PRMT7: variants seen among roughly 807,000 people sequenced by gnomAD.
PRMT7 encodes the protein protein arginine methyltransferase 7.
PRMT7 carries 75 observed loss-of-function variants against 85.4 expected under a neutral mutation model. The ratio of observed to expected loss-of-function variants is 0.88; its 90% CI spans 0.73 to 1.06. The LOEUF (loss-of-function observed/expected upper bound fraction) is 1.06. Among genes scored for constraint, PRMT7 ranks in the 50% least tolerant of loss-of-function variants. The probability of loss-of-function intolerance (pLI) is 0.00; values close to 1 mark genes in which losing one functional copy is unlikely to be tolerated. For missense variants in PRMT7, 868 were observed against 915.2 expected, an observed-to-expected ratio of 0.95 and a Z score of 0.67; for synonymous variants, 397 against 359.5, an observed-to-expected ratio of 1.10 and a Z score of -1.18.
intron 2 of PRMT7, 74 bp from the exon 3 acceptor site, chr16:68,315,823 G>T: frequency 1.5e-6 from 1 of 645,886 alleles, no homozygotes; most frequent in Non-Finnish European, 2.8e-6. Context: ...CACATTTTGG[G>T]GCATTGTGCT....
At chr16:68,329,777 G>C (rs897895952) in intron 6 of PRMT7, among the ~76,000 whole-genome samples, 1 of 152,054 alleles carries the variant, frequency 6.6e-6, no homozygotes, top group African/African-American at 2.4e-5. Flanking sequence ...GCTGAGGCAG[G>C]AGAATGGCGA....
intron 6 of PRMT7, chr16:68,329,576 T>C (rs2083568168): frequency 6.3e-6 from 1 of 158,510 alleles, no homozygotes; most frequent in Non-Finnish European, 1.4e-5. Context: ...CTTTTATTTA[T>C]TTATTTTTTT....
At chr16:68,349,426 A>G (rs902195194) in intron 14 of PRMT7, among the ~76,000 whole-genome samples, 1 of 152,180 alleles carries the variant, frequency 6.6e-6, no homozygotes, top group South Asian at 2.1e-4. Flanking sequence ...TATGCCACAA[A>G]CTGGACTCAC....
chr16:68,318,481 G>A (rs956363786), intron 3 of PRMT7, among the ~76,000 whole-genome samples: 1 of 152,196 alleles, frequency 6.6e-6, no homozygotes, highest in Non-Finnish European at 1.5e-5. Context: ...TTACAGGCGT[G>A]AGCCACTGCA....
chr16:68,345,871 TC>T, intron 10 of PRMT7, 69 bp downstream of exon 10: 1 of 1,596,816 alleles, frequency 6.3e-7, no homozygotes. Flanking sequence ...CATTTACAGA[TC>T]CTCTGGAGGT....
At chr16:68,344,745 T>G (rs543001662) in intron 9 of PRMT7, among the ~76,000 whole-genome samples, 2 of 152,212 alleles carry the variant, frequency 1.3e-5, no homozygotes, top group Non-Finnish European at 2.9e-5. Flanking sequence ...TTTAAATACT[T>G]CAATTTAATT....
intron 5 of PRMT7, among the ~76,000 whole-genome samples, chr16:68,327,256 C>T (rs942462105): frequency 1.3e-5 from 2 of 152,116 alleles, no homozygotes; most frequent in Non-Finnish European, 2.9e-5. Flanking sequence ...GGAACAGTCT[C>T]GGTATCATTT....
At chr16:68,312,752 C>A (rs1048840177) in intron 2 of PRMT7, among the ~76,000 whole-genome samples, 3 of 152,106 alleles carry the variant, frequency 2.0e-5, no homozygotes, top group Non-Finnish European at 4.4e-5. Flanking sequence ...GGGCATTCAG[C>A]CAGAGAAGGT....
chr16:68,329,876 T>TACACACACACAC (rs6145876), intron 6 of PRMT7, among the ~76,000 whole-genome samples: 9,158 of 148,720 alleles, frequency 0.062, 345 homozygotes, highest in South Asian at 0.089. Flanking sequence ...TATGTATATG[T>TACACACACACAC]ACACACACAC....
At chr16:68,313,054 A>G in intron 2 of PRMT7, among the ~76,000 whole-genome samples, 2 of 152,118 alleles carry the variant, frequency 1.3e-5, no homozygotes, top group East Asian at 3.9e-4. Context: ...CGAACTCCTG[A>G]CCTCAGGTGA....
At chr16:68,321,364 T>G (rs1307425029) in intron 3 of PRMT7, 62 bp from the exon 4 acceptor site, 2 of 1,338,106 alleles carry the variant, frequency 1.5e-6, no homozygotes, top group African/African-American at 2.9e-5. Flanking sequence ...TGTTTATATA[T>G]GTGAATACTC....
chr16:68,332,757 C>T (rs750245709), intron 6 of PRMT7, among the ~76,000 whole-genome samples: 2 of 152,170 alleles, frequency 1.3e-5, no homozygotes, highest in Non-Finnish European at 2.9e-5. Context: ...GCAAGACTGC[C>T]GTGCTCTGTG....
intron 4 of PRMT7, chr16:68,324,133 C>A (rs1300544335): frequency 1.3e-5 from 2 of 153,944 alleles, no homozygotes; most frequent in African/African-American, 4.8e-5. Context: ...GGAGCAGTTA[C>A]CTTGCCTAGG....
intron 5 of PRMT7, among the ~76,000 whole-genome samples, chr16:68,325,664 G>A (rs1272102230): frequency 1.3e-5 from 2 of 151,926 alleles, no homozygotes; most frequent in Admixed American, 1.3e-4. Context: ...GGTGATGCGC[G>A]CCTGTAATCC....
At chr16:68,314,921 C>T (rs997932773) in intron 2 of PRMT7, among the ~76,000 whole-genome samples, 6 of 151,908 alleles carry the variant, frequency 3.9e-5, no homozygotes, top group African/African-American at 1.5e-4. Flanking sequence ...TTAAAAATTG[C>T]TTTTAAAATT....
intron 6 of PRMT7, among the ~76,000 whole-genome samples, chr16:68,331,135 A>G (rs2083833265): frequency 6.6e-6 from 1 of 152,142 alleles, no homozygotes; most frequent in South Asian, 2.1e-4. Flanking sequence ...CTAGGCACCC[A>G]CTCATAGACT....
At chr16:68,323,140 A>G (rs1467608264) in intron 4 of PRMT7, among the ~76,000 whole-genome samples, 1 of 152,202 alleles carries the variant, frequency 6.6e-6, no homozygotes, top group Non-Finnish European at 1.5e-5. Flanking sequence ...TTTCTGTGAA[A>G]AATTATTTCA....
downstream of PRMT7, chr16:68,360,309 C>T (rs938312949): frequency 2.0e-5 from 3 of 151,568 alleles, no homozygotes; most frequent in South Asian, 2.1e-4. Context: ...AATCAGGATC[C>T]CCCCCACCCC....
chr16:68,322,578 C>T (rs1004898696), intron 4 of PRMT7, among the ~76,000 whole-genome samples: 1 of 152,080 alleles, frequency 6.6e-6, no homozygotes, highest in African/African-American at 2.4e-5. Flanking sequence ...ATAGACACTG[C>T]CACATTGCCT....
Sources: allele counts gnomAD v4.1 joint callset (sites outside exome capture counted in the v4.1 genomes callset), GRCh38; gene constraint gnomAD v4.1.1; transcripts MANE v1.5; gene names NCBI Gene and HGNC (gene_info 2026-07-23, HGNC 2026-07-21).